Variants in CNTN1 observed in about 807,000 individuals in gnomAD.
The protein encoded by CNTN1 is contactin-1.
Under a neutral mutation model 126.4 loss-of-function variants are expected in CNTN1, and 38 were observed. That is an observed-to-expected ratio of 0.30 (90% CI 0.23 to 0.39). The LOEUF is 0.39. CNTN1 is among the 10% of genes least tolerant of loss of function. The pLI, the probability that CNTN1 is intolerant of heterozygous loss-of-function variation, is 1.00. For missense variants in CNTN1, 1,009 were observed against 1,248.4 expected, an observed-to-expected ratio of 0.81 and a Z score of 2.89; for synonymous variants, 413 against 422.6, an observed-to-expected ratio of 0.98 and a Z score of 0.28.
rs75317992 is a variant in CNTN1, at chr12:41,032,499, C to T, written c.2980+3280C>T. On this transcript the variant is annotated intron_variant, in intron 23 of 23. Coordinates refer to ENST00000551295, the MANE Select transcript of CNTN1 (RefSeq NM_001843.4). ...TCTCATCTCAATTAAGTGCTTTGTC[C>T]CTTTCTCTGTTGACATTTCTCTTCT... 8.5e-3 allele frequency among the ~76,000 whole-genome samples: 1,300 copies of T among 152,236 alleles called. 18 individuals are homozygous for T. The highest frequency in any genetic ancestry group is 0.026 in the African/African-American group (1,084 of 41,552).
rs866539722 is a variant in CNTN1, at chr12:40,957,454, T to A, written c.1684-1660T>A. On this transcript the variant is annotated intron_variant, in intron 14 of 23. Coordinates refer to ENST00000551295, the MANE Select transcript of CNTN1 (RefSeq NM_001843.4). ...AAGGTTGATTTACCCTACCTTTTTTTTTTTTTTGATATAACCAGTTCCAGC... is the reference window on the plus strand; with the variant it reads ...AAGGTTGATTTACCCTACCTTTTTTATTTTTTTGATATAACCAGTTCCAGC... 7.4e-3 allele frequency among the ~76,000 whole-genome samples: 1,130 copies of A among 151,678 alleles called. 18 individuals carry two copies. Among genetic ancestry groups the A allele is most frequent in the African/African-American group, 0.026 (1,083 of 41,434 alleles).
At chr12:40,837,863 C>T (rs530507237) in intron 1 of CNTN1, among the ~76,000 whole-genome samples, 4 of 152,224 alleles carry the variant, frequency 2.6e-5, no homozygotes, top group East Asian at 1.9e-4. Flanking sequence ...CTCCTGTAGC[C>T]AGGGCTAGGG....
chr12:40,813,056 T>C (rs542563222), intron 1 of CNTN1, among the ~76,000 whole-genome samples: 1,583 of 132,002 alleles, frequency 0.012, 45 homozygotes, highest in African/African-American at 0.045. Flanking sequence ...TCTTTCTTTC[T>C]TTCTTCCTTC....
chr12:40,840,289 G>T (rs1445699278), intron 1 of CNTN1, among the ~76,000 whole-genome samples: 1 of 151,872 alleles, frequency 6.6e-6, no homozygotes, highest in East Asian at 1.9e-4. Flanking sequence ...TTCAGTAAGA[G>T]AATATAACAA....
Position 40,836,085 on chromosome 12 carries a change from T to A in CNTN1, c.-76-72272T>A, listed in dbSNP as rs531223119. On this transcript the variant is annotated intron_variant, in intron 1 of 23. Coordinates refer to ENST00000551295, the MANE Select transcript of CNTN1 (RefSeq NM_001843.4). ...ATACAGGTGTATATATACGTACATA[T>A]ACAGGTATATATATACGTACATATA... 3.7e-5 allele frequency among the ~76,000 whole-genome samples: 4 copies of A among 106,952 alleles called. No homozygotes were observed. In the Admixed American group the frequency reaches 3.8e-4, roughly 10 times the overall value. The allele number at this position is 106,952 out of a possible 152,430, so 70.2% of individuals were successfully genotyped here. A position where few individuals can be genotyped will look rare whatever the true frequency, so the allele number is the denominator to read the frequency against.
At chr12:40,973,072 C>A (rs751594575) in intron 15 of CNTN1, among the ~76,000 whole-genome samples, 3 of 152,148 alleles carry the variant, frequency 2.0e-5, no homozygotes, top group Middle Eastern at 3.4e-3. Flanking sequence ...AAGGGAAGGA[C>A]AACCTTAAAC....
intron 23 of CNTN1, among the ~76,000 whole-genome samples, chr12:41,053,428 A>AACATATAT (rs71434344): frequency 1.6e-5 from 1 of 64,116 alleles, no homozygotes; most frequent in Non-Finnish European, 2.8e-5. Flanking sequence ...GTTTTCACTA[A>AACATATAT]ATATATATAT....
At chr12:40,965,258 A>C (rs1324838806) in intron 15 of CNTN1, among the ~76,000 whole-genome samples, 1 of 152,114 alleles carries the variant, frequency 6.6e-6, no homozygotes, top group African/African-American at 2.4e-5. Flanking sequence ...AACAACTTGG[A>C]CTCTGAGAGA....
At chr12:40,839,449 A>G (rs1016482582) in intron 1 of CNTN1, among the ~76,000 whole-genome samples, 3 of 152,200 alleles carry the variant, frequency 2.0e-5, no homozygotes, top group African/African-American at 7.2e-5. Context: ...AGGTTGATAA[A>G]ATACAAATGT....
chr12:40,695,083 T>A (rs984937458), intron 1 of CNTN1, among the ~76,000 whole-genome samples: 1 of 152,228 alleles, frequency 6.6e-6, no homozygotes, highest in African/African-American at 2.4e-5. Flanking sequence ...TGTTGCTTAA[T>A]CCTCATTTGT....
At chr12:40,973,921 T>A (rs1947599398) in intron 15 of CNTN1, among the ~76,000 whole-genome samples, 1 of 152,150 alleles carries the variant, frequency 6.6e-6, no homozygotes. Context: ...AAAAAATGAA[T>A]CTTGATTATT....
At chr12:40,840,906 C>A (rs1460778390) in intron 1 of CNTN1, among the ~76,000 whole-genome samples, 1 of 150,370 alleles carries the variant, frequency 6.7e-6, no homozygotes, top group Non-Finnish European at 1.5e-5. Context: ...ACTAGAAAAA[C>A]AAGAACAAAC....
intron 4 of CNTN1, among the ~76,000 whole-genome samples, chr12:40,921,132 A>C (rs1231002172): frequency 6.6e-6 from 1 of 152,214 alleles, no homozygotes; most frequent in Non-Finnish European, 1.5e-5. Context: ...AAAATGCAAA[A>C]TCACAGTTTT....
chr12:40,767,837 A>G (rs182627673), intron 1 of CNTN1, among the ~76,000 whole-genome samples: 1 of 152,282 alleles, frequency 6.6e-6, no homozygotes, highest in African/African-American at 2.4e-5. Flanking sequence ...GTAAGTAAAA[A>G]TAAAGTGTTT....
At chr12:41,044,904 A>G (rs2120982176) in intron 23 of CNTN1, among the ~76,000 whole-genome samples, 1 of 152,220 alleles carries the variant, frequency 6.6e-6, no homozygotes, top group East Asian at 1.9e-4. Context: ...TCTTACCTGT[A>G]AGTATAACAC....
At chr12:40,789,221 A>G (rs1940139999) in intron 1 of CNTN1, among the ~76,000 whole-genome samples, 1 of 152,160 alleles carries the variant, frequency 6.6e-6, no homozygotes, top group Admixed American at 6.6e-5. Flanking sequence ...CTTGGCAAGG[A>G]AAGGAGATGA....
intron 1 of CNTN1, among the ~76,000 whole-genome samples, chr12:40,867,812 G>T (rs1469655626): frequency 6.6e-6 from 1 of 151,746 alleles, no homozygotes; most frequent in African/African-American, 2.4e-5. Context: ...TTTGTTAAAC[G>T]TTTACTAATA....
chr12:40,745,719 T>C (rs528702550), intron 1 of CNTN1, among the ~76,000 whole-genome samples: 15 of 152,288 alleles, frequency 9.8e-5, no homozygotes, highest in Non-Finnish European at 1.5e-4. Context: ...CTCTACAGAA[T>C]GTAGTATTTT....
At chr12:40,990,997 C>T (rs573181333) in intron 16 of CNTN1, among the ~76,000 whole-genome samples, 38 of 152,334 alleles carry the variant, frequency 2.5e-4, no homozygotes, top group African/African-American at 8.9e-4. Flanking sequence ...TCACAAATAG[C>T]TCCATCAGCT....
Sources: gnomAD v4.1 joint callset for allele counts (sites outside exome capture counted in the v4.1 genomes callset) on GRCh38, gnomAD v4.1.1 for gene constraint, MANE v1.5 for transcripts, NCBI Gene and HGNC (gene_info 2026-07-23, HGNC 2026-07-21) for gene names.